TMCC1: variants seen among roughly 807,000 people sequenced by gnomAD.
TMCC1 encodes transmembrane and coiled-coil domain family 1.
Under a neutral mutation model 52.4 loss-of-function variants are expected in TMCC1, and 15 were observed. That is an observed-to-expected ratio of 0.29 (90% CI 0.19 to 0.44). TMCC1 has a LOEUF of 0.44. Ranked by LOEUF, TMCC1 falls within the 20% of genes least tolerant of loss-of-function variation. The pLI is 1.00. For missense variants in TMCC1, 503 were observed against 806.0 expected (o/e 0.62, Z 4.55); for synonymous variants, 279 against 301.9 (o/e 0.92, Z 0.79).
chr3:129,792,697 C>T (rs189516455), intron 4 of TMCC1, among the ~76,000 whole-genome samples: 157 of 152,156 alleles, frequency 1.0e-3, no homozygotes, highest in African/African-American at 3.4e-3. Flanking sequence ...AACAGTAAAT[C>T]TGATAGACAA....
At chr3:129,885,896 C>A (rs1293817573) in intron 1 of TMCC1, among the ~76,000 whole-genome samples, 2 of 150,752 alleles carry the variant, frequency 1.3e-5, no homozygotes, top group African/African-American at 4.8e-5. Context: ...GCGCCCACGA[C>A]CACGCCCAGC....
At chr3:129,745,920 A>T (rs2051909421) in intron 4 of TMCC1, among the ~76,000 whole-genome samples, 4 of 151,604 alleles carry the variant, frequency 2.6e-5, no homozygotes, top group Admixed American at 2.0e-4. Context: ...CCCTAAAAAA[A>T]AAAAAGGAAA....
chr3:129,670,666 G>A lies in TMCC1; in HGVS notation c.1175C>T (p.Ser392Phe). The A allele has an allele frequency of 1.2e-6, 2 of 1,614,212 alleles. No individual in the cohort carries two copies. The highest frequency in any genetic ancestry group is 1.7e-6 in the Non-Finnish European group (2 of 1,180,040). ...SADNIPNLKDSLEEGQVDDAG... is the reference protein window; with the variant it reads ...SADNIPNLKDFLEEGQVDDAG... ...ATCATCCACTTGCCCTTCCTCTAAAGAGTCCTTCAGGTTGGGGATGTTGTC... is the reference window on the plus strand; with the variant it reads ...ATCATCCACTTGCCCTTCCTCTAAAAAGTCCTTCAGGTTGGGGATGTTGTC... Residue 392 changes from serine to phenylalanine, a missense_variant, in exon 5 of 7, where the codon TCT (serine) becomes TTT (phenylalanine). Around this residue, in one of 7 missense-constraint regions of TMCC1, gnomAD observed 38 missense variants for 29.8 expected, o/e 1.28. Coordinates refer to ENST00000393238, the MANE Select transcript of TMCC1 (RefSeq NM_001017395.5).
intron 2 of TMCC1, among the ~76,000 whole-genome samples, chr3:129,841,061 T>G (rs1279525367): frequency 6.6e-6 from 1 of 152,186 alleles, no homozygotes; most frequent in Admixed American, 6.5e-5. Flanking sequence ...AAAGTGCTGA[T>G]TGTGATATGG....
intron 2 of TMCC1, chr3:129,848,022 T>C (rs2059745166): frequency 6.6e-6 from 1 of 152,236 alleles, no homozygotes; most frequent in African/African-American, 2.4e-5. Flanking sequence ...GTCTTTCAAT[T>C]CTTGAGTTAC....
intron 4 of TMCC1, among the ~76,000 whole-genome samples, chr3:129,722,846 G>A (rs1384897665): frequency 3.9e-5 from 6 of 152,224 alleles, no homozygotes; most frequent in Non-Finnish European, 5.9e-5. Flanking sequence ...GAAAAAGAGG[G>A]TACAGACCAG....
chr3:129,747,849 C>T (rs1294843781), intron 4 of TMCC1, among the ~76,000 whole-genome samples: 1 of 152,156 alleles, frequency 6.6e-6, no homozygotes, highest in African/African-American at 2.4e-5. Context: ...TGTCCGTACT[C>T]ACTCCTTCCC....
At position 129,779,065 on chromosome 3, in the gene TMCC1, A is replaced by G. The variant is rs2055298357; in HGVS notation, c.576+48738T>C. 2.0e-5 allele frequency among the ~76,000 whole-genome samples: 3 copies of G among 152,128 alleles called. No individual in the cohort carries two copies. The South Asian group carries it at 6.2e-4, about 32-fold the overall frequency. ...CAACCGTATCTTGATTTGGCAATTC[A>G]TTCAGAATTCCATGAATTACAGCAC... On this transcript the variant is annotated intron_variant, in intron 4 of 6. Coordinates refer to ENST00000393238, the MANE Select transcript of TMCC1 (RefSeq NM_001017395.5).
At chr3:129,690,885 A>C (rs1361833441) in intron 4 of TMCC1, among the ~76,000 whole-genome samples, 1 of 152,224 alleles carries the variant, frequency 6.6e-6, no homozygotes, top group East Asian at 1.9e-4. Context: ...GATGGCAATG[A>C]ATTTATCTGA....
intron 2 of TMCC1, among the ~76,000 whole-genome samples, chr3:129,834,039 A>G (rs1348365942): frequency 1.3e-5 from 2 of 152,208 alleles, no homozygotes; most frequent in African/African-American, 4.8e-5. Context: ...CATACAGAAA[A>G]CAGCACAAAA....
At chr3:129,718,704 TTTCTC>T (rs569640737) in intron 4 of TMCC1, among the ~76,000 whole-genome samples, 62 of 152,360 alleles carry the variant, frequency 4.1e-4, no homozygotes, top group African/African-American at 1.4e-3. Context: ...GTAAATGTAT[TTTCTC>T]TTCCTTATGA....
At chr3:129,660,088 G>C (rs1245874079) in intron 5 of TMCC1, among the ~76,000 whole-genome samples, 1 of 152,128 alleles carries the variant, frequency 6.6e-6, no homozygotes, top group Non-Finnish European at 1.5e-5. Flanking sequence ...CTTGTTGACT[G>C]CCACATAGTC....
At chr3:129,803,463 C>A (rs1256551999) in intron 4 of TMCC1, among the ~76,000 whole-genome samples, 3 of 152,146 alleles carry the variant, frequency 2.0e-5, no homozygotes, top group East Asian at 3.8e-4. Flanking sequence ...AACACTACAG[C>A]ACTGTATACT....
At chr3:129,752,091 C>A (rs1267551218) in intron 4 of TMCC1, among the ~76,000 whole-genome samples, 1 of 152,146 alleles carries the variant, frequency 6.6e-6, no homozygotes, top group Non-Finnish European at 1.5e-5. Flanking sequence ...AAAGGACCAC[C>A]TTAATCCTGA....
rs533710509 is a variant in TMCC1 at position 129,725,711 on chromosome 3, T to A, written c.577-54447A>T. 6.6e-5 allele frequency among the ~76,000 whole-genome samples: 10 copies of A among 152,158 alleles called. No homozygotes were observed. The East Asian group carries it at 1.9e-3, about 29-fold the overall frequency. On this transcript the variant is annotated intron_variant, in intron 4 of 6. Coordinates refer to ENST00000393238, the MANE Select transcript of TMCC1 (RefSeq NM_001017395.5). ...TTTTTTTTTTGTTATACTTACACTATCAAAGGAAATTTTGATTCCCTAGTT... is the reference window on the plus strand; with the variant it reads ...TTTTTTTTTTGTTATACTTACACTAACAAAGGAAATTTTGATTCCCTAGTT...
At chr3:129,781,503 C>A (rs879742119) in intron 4 of TMCC1, among the ~76,000 whole-genome samples, 12 of 152,104 alleles carry the variant, frequency 7.9e-5, no homozygotes, top group Non-Finnish European at 1.6e-4. Context: ...TTGTATATAG[C>A]CTACATTTAG....
intron 4 of TMCC1, among the ~76,000 whole-genome samples, chr3:129,750,279 C>T (rs1338919190): frequency 6.6e-6 from 1 of 152,116 alleles, no homozygotes; most frequent in Non-Finnish European, 1.5e-5. Context: ...CAACCTCTGC[C>T]TCCTGGGTTC....
chr3:129,812,274 G>A (rs537827558), intron 4 of TMCC1, among the ~76,000 whole-genome samples: 16 of 147,592 alleles, frequency 1.1e-4, no homozygotes, highest in African/African-American at 4.0e-4. Flanking sequence ...TCTGGGAGGT[G>A]GAGGGTGCAG....
At chr3:129,710,762 A>G (rs1473426432) in intron 4 of TMCC1, among the ~76,000 whole-genome samples, 1 of 152,232 alleles carries the variant, frequency 6.6e-6, no homozygotes, top group African/African-American at 2.4e-5. Context: ...TATTGAATCT[A>G]ATGGGAAACT....
Sources: gnomAD v4.1 joint callset for allele counts (sites outside exome capture counted in the v4.1 genomes callset) on GRCh38, gnomAD v4.1.1 for gene constraint, gnomAD v4.1.1 regional missense constraint, MANE v1.5 for transcripts, NCBI Gene and HGNC (gene_info 2026-07-23, HGNC 2026-07-21) for gene names.